Variants in RAB11FIP4 observed in about 807,000 individuals in gnomAD.
RAB11FIP4 encodes RAB11 family interacting protein 4.
A neutral mutation model predicts 74.3 loss-of-function variants in RAB11FIP4; 23 were observed. The ratio of observed to expected loss-of-function variants is 0.31; its 90% CI spans 0.22 to 0.44. The LOEUF is 0.44. RAB11FIP4 is among the 20% of genes least tolerant of loss of function. The pLI is 1.00. For synonymous variants in RAB11FIP4, 360 were observed against 359.9 expected (o/e 1.00, Z 0.00); for missense variants, 630 against 863.9 (o/e 0.73, Z 3.39).
chr17:31,426,702 G>T (rs1445012646), intron 1 of RAB11FIP4, among the ~76,000 whole-genome samples: 1 of 148,474 alleles, frequency 6.7e-6, no homozygotes, highest in Non-Finnish European at 1.5e-5. Context: ...GGGTTCAAGC[G>T]ATTCTCCTGC....
At chr17:31,406,798 G>A (rs947063937) in intron 1 of RAB11FIP4, among the ~76,000 whole-genome samples, 1 of 151,946 alleles carries the variant, frequency 6.6e-6, no homozygotes, top group Non-Finnish European at 1.5e-5. Flanking sequence ...TTCTTGCTCT[G>A]TTGCTTTCCT....
intron 3 of RAB11FIP4, among the ~76,000 whole-genome samples, chr17:31,489,328 A>G (rs1455539078): frequency 6.6e-6 from 1 of 152,178 alleles, no homozygotes; most frequent in Non-Finnish European, 1.5e-5. Context: ...AAAGGTGGTT[A>G]CAGTGGTTGC....
chr17:31,410,509 T>A (rs921099590), intron 1 of RAB11FIP4, among the ~76,000 whole-genome samples: 22 of 151,524 alleles, frequency 1.5e-4, no homozygotes, highest in African/African-American at 4.9e-4. Flanking sequence ...AGGCTAGGAG[T>A]TGGAGACCAT....
intron 3 of RAB11FIP4, among the ~76,000 whole-genome samples, chr17:31,516,868 A>G (rs1045981875): frequency 6.6e-6 from 1 of 152,162 alleles, no homozygotes; most frequent in Non-Finnish European, 1.5e-5. Context: ...AATACCATCT[A>G]GAGGTTTCCC....
chr17:31,392,997 C>T (rs1893073622), intron 1 of RAB11FIP4, among the ~76,000 whole-genome samples: 1 of 151,964 alleles, frequency 6.6e-6, no homozygotes, highest in Non-Finnish European at 1.5e-5. Context: ...ACAGGTCGGA[C>T]CAGGCATTTC....
chr17:31,398,875 C>T lies in RAB11FIP4; in HGVS notation c.159+6864C>T, dbSNP rs528132773. The stretch of plus-strand genomic sequence containing the variant: ...GAGCCCAGGAACCTGGGAACGGGGG[C>T]GATGGCTACAAAGCCACCCCTTTTT... On this transcript the variant is annotated intron_variant, in intron 1 of 14. Coordinates refer to ENST00000621161, the MANE Select transcript of RAB11FIP4 (RefSeq NM_032932.6). 1.4e-4 allele frequency among the ~76,000 whole-genome samples: 21 copies of T among 150,972 alleles called. No homozygotes were observed. The East Asian group carries it at 3.1e-3, about 22-fold the overall frequency.
At chr17:31,495,151 C>G (rs982326555) in intron 3 of RAB11FIP4, among the ~76,000 whole-genome samples, 5 of 152,194 alleles carry the variant, frequency 3.3e-5, no homozygotes, top group African/African-American at 9.7e-5. Flanking sequence ...TGCTGAGGCT[C>G]TGGCTGGCCA....
At chr17:31,457,736 A>C (rs2071592693) in intron 3 of RAB11FIP4, among the ~76,000 whole-genome samples, 1 of 147,692 alleles carries the variant, frequency 6.8e-6, no homozygotes, top group African/African-American at 2.5e-5. Flanking sequence ...CTGCTGCCCT[A>C]CCCTCTGTCT....
At chr17:31,492,255 G>A (rs1353211544) in intron 3 of RAB11FIP4, among the ~76,000 whole-genome samples, 1 of 152,190 alleles carries the variant, frequency 6.6e-6, no homozygotes, top group Non-Finnish European at 1.5e-5. Context: ...GGGTCCTAAG[G>A]ACCCCAGGGA....
intron 3 of RAB11FIP4, chr17:31,488,126 G>T (rs2071933213): frequency 1.9e-6 from 2 of 1,032,666 alleles, no homozygotes; most frequent in South Asian, 4.6e-5. Flanking sequence ...CCAGAAGTGC[G>T]AGCGGCAGCG....
At chr17:31,408,316 G>A (rs1009651920) in intron 1 of RAB11FIP4, among the ~76,000 whole-genome samples, 1 of 152,144 alleles carries the variant, frequency 6.6e-6, no homozygotes, top group Admixed American at 6.5e-5. Flanking sequence ...CAGTCTATTA[G>A]ATTAGAGAGT....
intron 1 of RAB11FIP4, among the ~76,000 whole-genome samples, chr17:31,419,178 A>AT (rs2071175747): frequency 6.6e-6 from 1 of 151,956 alleles, no homozygotes; most frequent in African/African-American, 2.4e-5. Context: ...TGCTGTGGAC[A>AT]TTTTTGTGCA....
chr17:31,516,615 A>G (rs1323446052), intron 3 of RAB11FIP4, among the ~76,000 whole-genome samples: 2 of 152,156 alleles, frequency 1.3e-5, no homozygotes, highest in East Asian at 3.9e-4. Context: ...GACTACAGGC[A>G]TGCGCCACCT....
chr17:31,391,848 C>T lies in RAB11FIP4; in HGVS notation c.-5C>T, dbSNP rs1374486397. The T allele has an allele frequency of 2.7e-6, 3 of 1,093,422 alleles. No individual in the cohort carries two copies. Among genetic ancestry groups the T allele is most frequent in the Non-Finnish European group, 3.3e-6 (3 of 902,718 alleles). The allele number at this position is 1,093,422 out of a possible 1,614,324, so 67.7% of individuals were successfully genotyped here. ...GGGTCCGGGCTGAGCTGCGGGCCGG[C>T]CCGGATGGCGGGCGGCGCGGGCTGG... On this transcript the variant is annotated 5_prime_UTR_variant, in exon 1 of 15. Coordinates refer to ENST00000621161, the MANE Select transcript of RAB11FIP4 (RefSeq NM_032932.6).
intron 3 of RAB11FIP4, among the ~76,000 whole-genome samples, chr17:31,437,019 T>G (rs1048366036): frequency 6.6e-6 from 1 of 152,106 alleles, no homozygotes; most frequent in Non-Finnish European, 1.5e-5. Flanking sequence ...CTCGATCTCC[T>G]GACCTCATGA....
Position 31,531,311 on chromosome 17 carries a change from G to T in RAB11FIP4, c.1798-305G>T, listed in dbSNP as rs186776382. 4.1e-4 allele frequency among the ~76,000 whole-genome samples: 63 copies of T among 152,316 alleles called. 2 individuals are homozygous for T. In the East Asian group the frequency reaches 5.6e-3, roughly 14 times the overall value. ...GACTTTGTCAGTCTTGATTTTAAAT[G>T]ACTTTGGCTAGTGTTTTCTACTTTT... On this transcript the variant is annotated intron_variant, in intron 14 of 14. Coordinates refer to ENST00000621161, the MANE Select transcript of RAB11FIP4 (RefSeq NM_032932.6).
At chr17:31,514,702 G>A (rs2072514617) in intron 3 of RAB11FIP4, among the ~76,000 whole-genome samples, 1 of 152,238 alleles carries the variant, frequency 6.6e-6, no homozygotes, top group African/African-American at 2.4e-5. Context: ...CTGGCCAGGT[G>A]AAAGAACAGA....
intron 3 of RAB11FIP4, among the ~76,000 whole-genome samples, chr17:31,468,269 C>T (rs1329152956): frequency 1.3e-5 from 2 of 152,132 alleles, no homozygotes; most frequent in African/African-American, 4.8e-5. Context: ...TCTGCTCAGA[C>T]CCCCACACAC....
rs2072805610 is a variant in RAB11FIP4 at position 31,528,387 on chromosome 17, T to TC, written c.1357-18dup. 6.2e-7 allele frequency: 1 copy of TC among 1,609,538 alleles called. No homozygotes were observed. Among genetic ancestry groups the TC allele is most frequent in the Admixed American group, 1.7e-5 (1 of 59,834 alleles). On this transcript the variant is annotated intron_variant, in intron 11 of 14. Coordinates refer to ENST00000621161, the MANE Select transcript of RAB11FIP4 (RefSeq NM_032932.6). ...CTCTCTGGGAACTCTCCTCCCCTGA[T>TC]CGGGTCTCCCTGCTCCAGGAGCGGC... is the stretch of plus-strand genomic sequence containing the variant.
Sources: allele counts gnomAD v4.1 joint callset (sites outside exome capture counted in the v4.1 genomes callset), GRCh38; gene constraint gnomAD v4.1.1; transcripts MANE v1.5; gene names NCBI Gene and HGNC (gene_info 2026-07-23, HGNC 2026-07-21).